The following OPA1 variants were observed in gnomAD, a reference collection of about 807,000 sequenced individuals.
The protein encoded by OPA1 is dynamin-like GTPase OPA1, mitochondrial.
Under a neutral mutation model 152.9 loss-of-function variants are expected in OPA1, and 59 were observed. The ratio of observed to expected loss-of-function variants is 0.39; its 90% CI spans 0.31 to 0.48. OPA1 has a LOEUF of 0.48. Among genes scored for constraint, OPA1 ranks in the 20% least tolerant of loss-of-function variants. The pLI is 0.96. For synonymous variants in OPA1, 400 were observed against 389.9 expected (o/e 1.03, Z -0.31); for missense variants, 1,008 against 1,216.8 (o/e 0.83, Z 2.55).
chr3:193,684,892 C>A (rs965717203), intron 29 of OPA1, among the ~76,000 whole-genome samples: 3 of 151,994 alleles, frequency 2.0e-5, no homozygotes, highest in Non-Finnish European at 4.4e-5. Context: ...CATACTGAAG[C>A]CTTTTGGGGA....
At chr3:193,671,414 T>G (rs1717889574) in intron 29 of OPA1, among the ~76,000 whole-genome samples, 1 of 152,112 alleles carries the variant, frequency 6.6e-6, no homozygotes, top group South Asian at 2.1e-4. Flanking sequence ...TGCATCAAGA[T>G]CATGAAAGAC....
chr3:193,668,221 C>T lies in OPA1; in HGVS notation c.2983+941C>T, dbSNP rs1577340014. ...TGTCACTTGCTTTCCTGATAGAAAA[C>T]GGGCTTCTAGTATCCTTAATATATT... On this transcript the variant is annotated intron_variant, in intron 29 of 30. Coordinates refer to ENST00000361510, the MANE Select transcript of OPA1 (RefSeq NM_130837.3). The T allele has an allele frequency of 1.8e-5, 15 of 812,366 alleles. No individual in the cohort carries two copies. The East Asian group carries it at 2.4e-4, about 13-fold the overall frequency. The allele number at this position is 812,366 out of a possible 1,614,324, so 50.3% of individuals were successfully genotyped here.
In OPA1 at chr3:193,617,205, C is replaced by A; in HGVS notation, c.476C>A (p.Ser159Ter). The change falls in exon 4 of 31, where the codon TCA becomes TAA. Residue 159 changes from serine to a stop codon, truncating the protein, a stop_gained. Transcript: ENST00000361510. LOFTEE classifies it high-confidence loss of function. ...AAAATTAGAAAAGCCCTTCCTAGTT[C>A]AGAAGACCTTGTAAAGTTAGCACCA... ...FEKIRKALPS[S>*]EDLVKLAPDF... The A allele has an allele frequency of 6.2e-7, 1 of 1,611,382 alleles. No individual in the cohort carries two copies. Among genetic ancestry groups the A allele is most frequent in the Non-Finnish European group, 8.5e-7 (1 of 1,177,732 alleles).
intron 1 of OPA1, among the ~76,000 whole-genome samples, chr3:193,597,488 C>G (rs1336186128): frequency 6.6e-6 from 1 of 150,494 alleles, no homozygotes; most frequent in East Asian, 1.9e-4. Flanking sequence ...GTTAGGAGTT[C>G]GAGACCAGCC....
At position 193,626,161 on chromosome 3, in the gene OPA1, G is replaced by A. The variant is rs143918255; in HGVS notation, c.748G>A (p.Ala250Thr). ...GCATGAAGAGGAAGCGCGCAGAGCC[G>A]CTGGCCAATATAGCACGAGCTATGC... is the stretch of plus-strand genomic sequence containing the variant. The part of the protein sequence containing the change: ...QEHEEEARRA[A>T]GQYSTSYAQQ... Residue 250 changes from alanine (A) to threonine (T), a missense_variant, in exon 7 of 31, where the codon GCT becomes ACT. This residue lies in a region of OPA1 where 408 missense variants were observed against 395.1 expected (regional missense o/e 1.03). Coordinates refer to ENST00000361510, the MANE Select transcript of OPA1 (RefSeq NM_130837.3). 1.4e-4 allele frequency: 228 copies of A among 1,614,008 alleles called. 1 individual carries two copies. In the African/African-American group the frequency reaches 2.5e-3, roughly 18 times the overall value.
In OPA1 at chr3:193,642,836, A is replaced by C; in HGVS notation, c.1221A>C (p.Lys407Asn). 1 of 1,612,262 alleles carries C rather than the reference A, an allele frequency of 6.2e-7. No homozygotes were observed. The highest frequency in any genetic ancestry group is 1.1e-5 in the South Asian group (1 of 90,998). The part of the protein sequence containing the change: ...KDSSREFDLT[K>N]EEDLAALRHE... Reference sequence around the variant, plus strand: ...GTTCTCGGGAGTTTGATCTTACCAAAGAAGAAGATGTAAGTAAAATTCATC... The same window carrying C: ...GTTCTCGGGAGTTTGATCTTACCAACGAAGAAGATGTAAGTAAAATTCATC... Residue 407 changes from lysine (K) to asparagine (N), a missense_variant, in exon 12 of 31, where the codon AAA becomes AAC. This residue lies in a region of OPA1 where 213 missense variants were observed against 291.4 expected (regional missense o/e 0.73). Coordinates refer to ENST00000361510, the MANE Select transcript of OPA1 (RefSeq NM_130837.3).
At chr3:193,682,185 T>C (rs1364084488) in intron 29 of OPA1, among the ~76,000 whole-genome samples, 1 of 152,188 alleles carries the variant, frequency 6.6e-6, no homozygotes, top group Non-Finnish European at 1.5e-5. Flanking sequence ...GGATAGAAGA[T>C]CAAACCAGCC....
intron 30 of OPA1, among the ~76,000 whole-genome samples, chr3:193,693,563 C>G (rs1207039626): frequency 6.6e-6 from 1 of 152,134 alleles, no homozygotes; most frequent in Non-Finnish European, 1.5e-5. Context: ...TCACTTGAAC[C>G]TGGAAGGTAG....
Position 193,644,086 on chromosome 3 carries a change from A to G in OPA1, c.1589A>G (p.Asn530Ser). Residue 530 changes from asparagine (N) to serine (S), a missense_variant, in exon 16 of 31, where the codon AAT (asparagine) becomes AGT (serine). Around this residue, in one of 7 missense-constraint regions of OPA1, gnomAD observed 213 missense variants for 291.4 expected, o/e 0.73. Coordinates refer to ENST00000361510, the MANE Select transcript of OPA1 (RefSeq NM_130837.3). ...ACCAAAGTAGACCTGGCAGAGAAAA[A>G]TGTAGCCAGTCCAAGCAGGGTGAGG... ...VLTKVDLAEK[N>S]VASPSRIQQI... is the part of the protein sequence containing the mutation. The G allele has an allele frequency of 6.2e-7, 1 of 1,613,806 alleles. No individual in the cohort carries two copies.
At chr3:193,645,421 T>G (rs1477239217) in intron 16 of OPA1, 132 bp from the exon 17 acceptor site, 5 of 646,112 alleles carry the variant, frequency 7.7e-6, no homozygotes, top group Admixed American at 6.1e-5. Flanking sequence ...GAAAAACATT[T>G]TAAATGCTTT....
At chr3:193,614,000 A>G in intron 1 of OPA1, 1 of 518,530 alleles carries the variant, frequency 1.9e-6, no homozygotes, top group Non-Finnish European at 3.9e-6. Context: ...TATGTATGCA[A>G]CTATGAGTGT....
intron 21 of OPA1, among the ~76,000 whole-genome samples, chr3:193,653,352 G>C (rs1229274087): frequency 6.6e-6 from 1 of 152,144 alleles, no homozygotes; most frequent in Non-Finnish European, 1.5e-5. Context: ...AGGAGATGTT[G>C]ACTCTCCTCA....
chr3:193,669,379 GCCA>G (rs1158686469), intron 29 of OPA1, among the ~76,000 whole-genome samples: 1 of 151,928 alleles, frequency 6.6e-6, no homozygotes, highest in Non-Finnish European at 1.5e-5. Flanking sequence ...TTTTTCTCAT[GCCA>G]CCTTGGCAAT....
chr3:193,676,710 G>A (rs886613867), intron 29 of OPA1, among the ~76,000 whole-genome samples: 8 of 152,152 alleles, frequency 5.3e-5, no homozygotes, highest in South Asian at 2.1e-4. Context: ...GCCGGGTGTG[G>A]TGGCTCACGC....
chr3:193,622,074 A>T (rs1730189410), intron 6 of OPA1, among the ~76,000 whole-genome samples: 1 of 152,150 alleles, frequency 6.6e-6, no homozygotes, highest in Non-Finnish European at 1.5e-5. Context: ...AAATATGGCG[A>T]TTCAGAAGGC....
chr3:193,669,458 G>C (rs1044294314), intron 29 of OPA1, among the ~76,000 whole-genome samples: 1 of 152,184 alleles, frequency 6.6e-6, no homozygotes, highest in Non-Finnish European at 1.5e-5. Context: ...ACTACTAGCT[G>C]TGTCATCTTC....
chr3:193,625,798 T>C (rs1219861259), intron 6 of OPA1, among the ~76,000 whole-genome samples: 3 of 152,020 alleles, frequency 2.0e-5, no homozygotes, highest in Non-Finnish European at 4.4e-5. Context: ...AAAATCAGTA[T>C]TTTTTCTCCA....
chr3:193,620,944 C>G (rs950725016), intron 6 of OPA1, among the ~76,000 whole-genome samples: 6 of 152,200 alleles, frequency 3.9e-5, no homozygotes, highest in African/African-American at 1.4e-4. Context: ...TTTTTGAAAT[C>G]ACTCTGACAT....
intron 29 of OPA1, among the ~76,000 whole-genome samples, chr3:193,674,534 C>A (rs1718569977): frequency 6.6e-6 from 1 of 152,174 alleles, no homozygotes; most frequent in Admixed American, 6.5e-5. Flanking sequence ...TAAAAAGATT[C>A]TTTCACTGAA....
Sources: allele counts gnomAD v4.1 joint callset (sites outside exome capture counted in the v4.1 genomes callset), GRCh38; gene constraint gnomAD v4.1.1; regional missense constraint gnomAD v4.1.1; transcripts MANE v1.5; gene names NCBI Gene and HGNC (gene_info 2026-07-23, HGNC 2026-07-21).